The following ARHGEF12 variants were observed in gnomAD, a reference collection of about 807,000 sequenced individuals.
ARHGEF12 encodes KMT2A/ARHGEF12 fusion protein.
Under a neutral mutation model 211.2 loss-of-function variants are expected in ARHGEF12, and 66 were observed. The observed-to-expected ratio is 0.31, with a 90% CI of 0.26 to 0.38. The LOEUF is 0.38. Among genes scored for constraint, ARHGEF12 ranks in the 10% least tolerant of loss-of-function variants. The probability of loss-of-function intolerance (pLI) is 1.00; values close to 1 mark genes in which losing one functional copy is unlikely to be tolerated. For synonymous variants in ARHGEF12, 592 were observed against 638.4 expected (o/e 0.93, Z 1.09); for missense variants, 1,429 against 1,869.5 (o/e 0.76, Z 4.34).
At chr11:120,467,729 C>A (rs1309030484) in intron 29 of ARHGEF12, among the ~76,000 whole-genome samples, 1 of 151,510 alleles carries the variant, frequency 6.6e-6, no homozygotes. Context: ...GTCACCATAC[C>A]CAGCCAAGAT....
intron 1 of ARHGEF12, among the ~76,000 whole-genome samples, chr11:120,367,181 G>A (rs1053101218): frequency 5.9e-5 from 9 of 152,010 alleles, no homozygotes; most frequent in African/African-American, 2.2e-4. Flanking sequence ...GCAGATCTGT[G>A]ATTCTGTTGT....
chr11:120,452,389 C>A (rs77055484), intron 22 of ARHGEF12, among the ~76,000 whole-genome samples: 35 of 152,236 alleles, frequency 2.3e-4, no homozygotes, highest in African/African-American at 7.9e-4. Flanking sequence ...GAGCTTATTA[C>A]CATGTCTTCA....
At chr11:120,465,385 G>A in intron 28 of ARHGEF12, 23 bp downstream of exon 28, 3 of 1,606,138 alleles carry the variant, frequency 1.9e-6, no homozygotes, top group African/African-American at 2.7e-5. Context: ...AGTCATGTAA[G>A]AAAAAAAATA....
chr11:120,385,186 C>A, intron 1 of ARHGEF12: 2 of 489,204 alleles, frequency 4.1e-6, no homozygotes, highest in Non-Finnish European at 5.3e-6. Flanking sequence ...GAGTGATATT[C>A]TAGGGAAATG....
rs557391503 is a variant in ARHGEF12 at position 120,479,894 on chromosome 11, A to G, written c.3767-66A>G. ...GATCATTGGTAAGTCAGCTAATTTA[A>G]TTCTTGCAGCCTGAGGTTATAGTTG... On this transcript the variant is annotated intron_variant, in intron 37 of 40. Coordinates refer to ENST00000397843, the MANE Select transcript of ARHGEF12 (RefSeq NM_015313.3). 8 of 1,364,956 alleles carry G rather than the reference A, an allele frequency of 5.9e-6. No homozygotes were observed. The East Asian group carries it at 1.9e-4, about 32-fold the overall frequency. The allele number at this position is 1,364,956 out of a possible 1,614,324, so 84.6% of individuals were successfully genotyped here. A position where few individuals can be genotyped will look rare whatever the true frequency, so the allele number is the denominator to read the frequency against.
chr11:120,461,162 TA>T (rs1322509598), intron 27 of ARHGEF12, among the ~76,000 whole-genome samples: 3 of 152,242 alleles, frequency 2.0e-5, no homozygotes, highest in Non-Finnish European at 4.4e-5. Context: ...GCATCTAGAA[TA>T]ATGAATCCTT....
intron 39 of ARHGEF12, among the ~76,000 whole-genome samples, chr11:120,483,336 C>T (rs1293953047): frequency 6.8e-6 from 1 of 146,274 alleles, no homozygotes; most frequent in Non-Finnish European, 1.5e-5. Context: ...TTTCGGCTCA[C>T]TGCAACCTCT....
chr11:120,476,897 C>T, intron 34 of ARHGEF12, 149 bp downstream of exon 34: 1 of 628,776 alleles, frequency 1.6e-6, no homozygotes, highest in Non-Finnish European at 2.7e-6. Context: ...TGAACTTGTT[C>T]TTTTTTAGGT....
At chr11:120,349,252 A>G (rs551809885) in intron 1 of ARHGEF12, among the ~76,000 whole-genome samples, 34 of 152,292 alleles carry the variant, frequency 2.2e-4, no homozygotes, top group African/African-American at 8.2e-4. Flanking sequence ...TCACCATACA[A>G]TTATAGCTTA....
In ARHGEF12 at chr11:120,487,826, A is replaced by G; in HGVS notation, c.*2749A>G. On this transcript the variant is annotated 3_prime_UTR_variant, in exon 41 of 41. Transcript: ENST00000397843. ...CTTCCTTTTCAGAGAACAGTTAATC[A>G]AGGCAAATCAGCAAGCCCCCAAAGT... is the stretch of plus-strand genomic sequence containing the variant. 1 of 220,046 alleles carries G rather than the reference A, an allele frequency of 4.5e-6. No homozygotes were observed. Among genetic ancestry groups the G allele is most frequent in the Non-Finnish European group, 9.1e-6 (1 of 109,768 alleles). The allele number at this position is 220,046 out of a possible 1,614,324, so 13.6% of individuals were successfully genotyped here.
intron 39 of ARHGEF12, among the ~76,000 whole-genome samples, chr11:120,482,276 T>C (rs1947267967): frequency 6.6e-6 from 1 of 152,186 alleles, no homozygotes; most frequent in Admixed American, 6.5e-5. Context: ...TATCTGTGAC[T>C]CATTAGGTGA....
intron 21 of ARHGEF12, chr11:120,450,292 G>A (rs1485830741): frequency 6.9e-6 from 1 of 145,406 alleles, no homozygotes; most frequent in East Asian, 2.1e-4. Flanking sequence ...TATTGCTTTA[G>A]TCTGGGGAGT....
chr11:120,377,132 T>G (rs1157481068), intron 1 of ARHGEF12, among the ~76,000 whole-genome samples: 1 of 152,206 alleles, frequency 6.6e-6, no homozygotes, highest in Non-Finnish European at 1.5e-5. Context: ...ATATACTGAC[T>G]TCCTTAAGTT....
At chr11:120,356,122 C>G (rs554009015) in intron 1 of ARHGEF12, among the ~76,000 whole-genome samples, 2 of 152,210 alleles carry the variant, frequency 1.3e-5, no homozygotes, top group Non-Finnish European at 2.9e-5. Flanking sequence ...AGTATGACTG[C>G]GTCTTAAATC....
At chr11:120,395,068 A>G (rs1455731512) in intron 1 of ARHGEF12, among the ~76,000 whole-genome samples, 1 of 151,348 alleles carries the variant, frequency 6.6e-6, no homozygotes, top group East Asian at 1.9e-4. Context: ...AAAAAAAAAA[A>G]AAAAAAAAAA....
intron 22 of ARHGEF12, 191 bp from the exon 23 acceptor site, chr11:120,456,927 T>C (rs1946380477): frequency 1.9e-6 from 1 of 523,884 alleles, no homozygotes; most frequent in Non-Finnish European, 3.3e-6. Flanking sequence ...GAGGCTGAGA[T>C]GGGAGGATCA....
intron 12 of ARHGEF12, 170 bp from the exon 13 acceptor site, chr11:120,439,959 C>A: frequency 1.7e-6 from 1 of 581,638 alleles, no homozygotes; most frequent in Non-Finnish European, 3.0e-6. Context: ...GGTACATGGC[C>A]TTGAAAATTT....
chr11:120,488,655 T>TC lies in ARHGEF12; in HGVS notation c.*3580dup, dbSNP rs1947459392. ...GGTGCCAACTGCTAAGCAGATATAT[T>TC]CCAAAAATGGTAACTGTCATGTGCA... On this transcript the variant is annotated 3_prime_UTR_variant, in exon 41 of 41. Transcript: ENST00000397843. 2 of 221,262 alleles carry TC rather than the reference T, an allele frequency of 9.0e-6. No homozygotes were observed. Among genetic ancestry groups the TC allele is most frequent in the African/African-American group, 4.5e-5 (2 of 44,688 alleles). The allele number at this position is 221,262 out of a possible 1,614,324, so 13.7% of individuals were successfully genotyped here.
chr11:120,430,773 A>T (rs1945501173), intron 10 of ARHGEF12, among the ~76,000 whole-genome samples: 1 of 152,170 alleles, frequency 6.6e-6, no homozygotes, highest in African/African-American at 2.4e-5. Context: ...ATAATTGAGA[A>T]ACCTAGGGTC....
Sources: gnomAD v4.1 joint callset for allele counts (sites outside exome capture counted in the v4.1 genomes callset) on GRCh38, gnomAD v4.1.1 for gene constraint, MANE v1.5 for transcripts, NCBI Gene and HGNC (gene_info 2026-07-23, HGNC 2026-07-21) for gene names.